The following PCDHGA7 variants were observed in gnomAD, a reference collection of about 807,000 sequenced individuals.
PCDHGA7 encodes the protein protocadherin gamma-A7.
In PCDHGA7, 44 loss-of-function variants were observed where a neutral mutation model predicts 58.3. The observed-to-expected ratio is 0.75, with a 90% confidence interval of 0.59 to 0.97. The LOEUF (loss-of-function observed/expected upper bound fraction) is 0.97, where lower values mean the gene tolerates loss of function less well. PCDHGA7 is among the 50% of genes least tolerant of loss of function. The pLI is 0.00. For missense variants in PCDHGA7, 1,266 were observed against 1,188.7 expected (o/e 1.06, Z -0.96); for synonymous variants, 516 against 504.2 (o/e 1.02, Z -0.31).
chr5:141,478,434 T>C (rs747890986), intron 1 of PCDHGA7: 2 of 1,613,700 alleles, frequency 1.2e-6, no homozygotes, highest in East Asian at 2.2e-5. Flanking sequence ...GACCCGCTGC[T>C]GAAGAAACCT....
rs11953770 is a variant in PCDHGA7 at position 141,510,741 on chromosome 5, C to T, written c.2573-206C>T. On this transcript the variant is annotated intron_variant, in intron 3 of 3. Coordinates refer to ENST00000518325, the MANE Select transcript of PCDHGA7 (RefSeq NM_018920.4). ...TAAGGAAAGGAGCTAGGAATCAAACCTAGACTTTCTCACTCCAGAGCCTCT... is the reference window on the plus strand; with the variant it reads ...TAAGGAAAGGAGCTAGGAATCAAACTTAGACTTTCTCACTCCAGAGCCTCT... Among the ~76,000 whole-genome samples the T allele has an allele frequency of 2.6e-5, 4 of 152,138 alleles. No homozygotes were observed. In the South Asian group the frequency reaches 8.3e-4, roughly 32 times the overall value.
intron 1 of PCDHGA7, chr5:141,394,756 A>T (rs757241753): frequency 1.2e-6 from 2 of 1,613,324 alleles, no homozygotes; most frequent in Non-Finnish European, 1.7e-6. Flanking sequence ...GCCGTCCAGG[A>T]CCATGGCCAG....
At chr5:141,429,378 T>TTTG (rs2097208019) in intron 1 of PCDHGA7, among the ~76,000 whole-genome samples, 1 of 105,336 alleles carries the variant, frequency 9.5e-6, no homozygotes, top group African/African-American at 5.2e-5. Flanking sequence ...AGAAAATGTG[T>TTTG]TTTTTTTTTA....
intron 1 of PCDHGA7, chr5:141,416,446 G>A (rs192789193): frequency 8.5e-5 from 13 of 152,284 alleles, no homozygotes; most frequent in East Asian, 5.8e-4. Context: ...GTAAATATGG[G>A]TTGGGAAGAC....
chr5:141,421,338 A>G (rs560707757), intron 1 of PCDHGA7: 2 of 1,613,966 alleles, frequency 1.2e-6, no homozygotes, highest in Non-Finnish European at 1.7e-6. Context: ...ATTCGGTGCC[A>G]GAAGAGACCG....
chr5:141,464,913 A>AT (rs1366203949), intron 1 of PCDHGA7, among the ~76,000 whole-genome samples: 2 of 151,546 alleles, frequency 1.3e-5, no homozygotes, highest in South Asian at 4.2e-4. Flanking sequence ...TAATTTTTTT[A>AT]TTTTTTTGTA....
intron 1 of PCDHGA7, chr5:141,427,889 G>A: frequency 1.3e-6 from 2 of 1,566,516 alleles, no homozygotes; most frequent in Non-Finnish European, 1.7e-6. Context: ...CCCACGACCA[G>A]GGCTCGCCCG....
At chr5:141,419,151 C>A in intron 1 of PCDHGA7, 1 of 1,613,918 alleles carries the variant, frequency 6.2e-7, no homozygotes. Context: ...GGCAAGCCTC[C>A]GTTATCCTCC....
intron 1 of PCDHGA7, among the ~76,000 whole-genome samples, chr5:141,447,234 G>T (rs534523483): frequency 9.9e-4 from 150 of 152,170 alleles, no homozygotes; most frequent in Non-Finnish European, 1.8e-3. Flanking sequence ...CCGCCTCCCG[G>T]GTTCAAGTGA....
chr5:141,384,422 A>C lies in PCDHGA7; in HGVS notation c.1523A>C (p.Asn508Thr). 6.2e-7 allele frequency: 1 copy of C among 1,613,924 alleles called. No homozygotes were observed. Among genetic ancestry groups the C allele is most frequent in the Non-Finnish European group, 8.5e-7 (1 of 1,179,880 alleles). Residue 508 changes from asparagine to threonine, a missense_variant, in exon 1 of 4, where the codon AAC becomes ACC. Physicochemically the swap from Asn to Thr is moderately conservative, Grantham distance 65 (BLOSUM62 0). Coordinates refer to ENST00000518325, the MANE Select transcript of PCDHGA7 (RefSeq NM_018920.4). ...GAPVSSYVSINSDTGVLYALQ... is the reference protein window; with the variant it reads ...GAPVSSYVSITSDTGVLYALQ... ...CCAGTGTCCTCCTATGTCTCCATAA[A>C]CTCTGACACTGGAGTCCTGTACGCG...
At chr5:141,475,583 G>A (rs1181419200) in intron 1 of PCDHGA7, among the ~76,000 whole-genome samples, 1 of 152,198 alleles carries the variant, frequency 6.6e-6, no homozygotes, top group Non-Finnish European at 1.5e-5. Context: ...CAGATTTGTT[G>A]GTGTTTTTCC....
At chr5:141,393,177 G>T (rs1330463387) in intron 1 of PCDHGA7, 1 of 1,613,292 alleles carries the variant, frequency 6.2e-7, no homozygotes, top group Non-Finnish European at 8.5e-7. Context: ...GGTAGAAATA[G>T]AAATAATTGA....
Position 141,491,586 on chromosome 5 carries a change from G to T in PCDHGA7, c.2425-3221G>T, listed in dbSNP as rs373990387. ...ACAGGACGTGCTTTTCACCGGCCTC[G>T]GACGGCAGTGACTTCACTTTTCTAA... On this transcript the variant is annotated intron_variant, in intron 1 of 3. Transcript: ENST00000518325. This position sits in a 1 kb window ranked among gnomAD's most constrained non-coding sequence, Gnocchi z 6.9. 2.1e-5 allele frequency: 34 copies of T among 1,613,792 alleles called. No individual in the cohort carries two copies. In the African/African-American group the frequency reaches 2.4e-4, roughly 11 times the overall value.
intron 1 of PCDHGA7, chr5:141,402,983 G>A (rs748129276): frequency 6.2e-6 from 10 of 1,609,166 alleles, no homozygotes; most frequent in African/African-American, 1.3e-5. Flanking sequence ...CCAGCTCCGC[G>A]GAAGATTAGT....
rs1467738404 is a variant in PCDHGA7 at position 141,430,698 on chromosome 5, G to A, written c.2424+45375G>A. On this transcript the variant is annotated intron_variant, in intron 1 of 3. Coordinates refer to ENST00000518325, the MANE Select transcript of PCDHGA7 (RefSeq NM_018920.4). The stretch of plus-strand genomic sequence containing the variant: ...CAACTGTCCCATTCTATGGGCGAAG[G>A]AACTGCTCCTGACTTCAGTGGTTAA... 4.1e-6 allele frequency: 6 copies of A among 1,451,686 alleles called. No homozygotes were observed. The South Asian group carries it at 7.8e-5, about 19-fold the overall frequency. The allele number at this position is 1,451,686 out of a possible 1,614,324, so 89.9% of individuals were successfully genotyped here.
chr5:141,417,776 C>T (rs2096161387), intron 1 of PCDHGA7: 1 of 1,469,712 alleles, frequency 6.8e-7, no homozygotes, highest in South Asian at 1.4e-5. Context: ...CTCCTCCTGT[C>T]CTGGGCCGAA....
At chr5:141,494,714 C>G in intron 1 of PCDHGA7, 93 bp from the exon 2 acceptor site, 2 of 1,603,958 alleles carry the variant, frequency 1.2e-6, no homozygotes, top group East Asian at 4.5e-5. Context: ...TGTGCCCACT[C>G]CCCTCCTTCT....
In PCDHGA7 at chr5:141,490,455, G is replaced by A. The variant is rs746957706; in HGVS notation, c.2425-4352G>A. The A allele has an allele frequency of 9.3e-6, 15 of 1,614,010 alleles. No individual in the cohort carries two copies. The highest frequency in any genetic ancestry group is 2.2e-5 in the South Asian group (2 of 91,084). ...TTAAGCCTTCTGAGAACCACTACTC[G>A]CTGCTAACCAGCCAGCCTTTGGACC... On this transcript the variant is annotated intron_variant, in intron 1 of 3. Coordinates refer to ENST00000518325, the MANE Select transcript of PCDHGA7 (RefSeq NM_018920.4). The surrounding 1 kb of genome is among the most constrained non-coding windows in gnomAD (Gnocchi z 5.4).
At chr5:141,502,300 TTCCTC>T (rs139569110) in intron 2 of PCDHGA7, among the ~76,000 whole-genome samples, 4,853 of 152,256 alleles carry the variant, frequency 0.032, 250 homozygotes, top group African/African-American at 0.11. Flanking sequence ...TGTCACGTCT[TTCCTC>T]TCCTTTAATC....
Sources: gnomAD v4.1 joint callset for allele counts (sites outside exome capture counted in the v4.1 genomes callset) on GRCh38, gnomAD v4.1.1 for gene constraint, Gnocchi (gnomAD v3.1) non-coding constraint, MANE v1.5 for transcripts, NCBI Gene and HGNC (gene_info 2026-07-23, HGNC 2026-07-21) for gene names.